Variants in RBM25 observed in about 807,000 individuals in gnomAD.
The protein encoded by RBM25 is RNA binding motif protein 25.
Under a neutral mutation model 120.7 loss-of-function variants are expected in RBM25, and 19 were observed. The ratio of observed to expected loss-of-function variants is 0.16; its 90% CI spans 0.11 to 0.23. RBM25 has a LOEUF of 0.23. RBM25 is among the 10% of genes least tolerant of loss of function. The pLI is 1.00. For missense variants in RBM25, 605 were observed against 1,041.5 expected, an observed-to-expected ratio of 0.58 and a Z score of 5.77; for synonymous variants, 390 against 326.7, an observed-to-expected ratio of 1.19 and a Z score of -2.09.
intron 8 of RBM25, 53 bp downstream of exon 8, chr14:73,099,486 A>C (rs1896017902): frequency 6.3e-7 from 1 of 1,593,768 alleles, no homozygotes; most frequent in Admixed American, 1.8e-5. Flanking sequence ...CTGATTGTTG[A>C]TTTGTCATTC....
chr14:73,110,440 TC>T (rs1334486075), intron 14 of RBM25, among the ~76,000 whole-genome samples: 2 of 151,794 alleles, frequency 1.3e-5, no homozygotes, highest in Admixed American at 1.3e-4. Context: ...TTTTTCTTTT[TC>T]TTTTTTTTTG....
At chr14:73,113,549 C>G (rs8008490) in intron 17 of RBM25, among the ~76,000 whole-genome samples, 15,058 of 151,588 alleles carry the variant, frequency 0.099, 827 homozygotes, top group African/African-American at 0.14. Flanking sequence ...AAATTGGGTG[C>G]GCTGGGTGGC....
intron 1 of RBM25, chr14:73,059,400 A>G (rs1894946474): frequency 6.6e-6 from 1 of 152,234 alleles, no homozygotes; most frequent in African/African-American, 2.4e-5. Flanking sequence ...TAAGCTCCAC[A>G]TTAAAATGTT....
intron 18 of RBM25, among the ~76,000 whole-genome samples, chr14:73,117,286 C>G (rs2140468291): frequency 8.2e-6 from 1 of 121,968 alleles, no homozygotes; most frequent in African/African-American, 3.2e-5. Context: ...TATGGAGTGA[C>G]AGTGGCGCGA....
At position 73,103,994 on chromosome 14, in the gene RBM25, A is replaced by ACACACT. The variant is rs1339176135; in HGVS notation, c.1154+517_1154+518insACACTC. Among the ~76,000 whole-genome samples, 212 of 99,390 alleles carry ACACACT rather than the reference A, an allele frequency of 2.1e-3. 2 individuals are homozygous for ACACACT. The highest frequency in any genetic ancestry group is 2.7e-3 in the Non-Finnish European group (139 of 51,044). 65.2% of individuals were successfully genotyped at this position (99,390 alleles called of 152,430 possible). The stretch of plus-strand genomic sequence containing the variant: ...CACACACACACACACACACACACAC[A>ACACACT]CTCTCTCTCTCTCTCTCTCTCTCAC... On this transcript the variant is annotated intron_variant, in intron 10 of 18. Transcript: ENST00000261973.
At position 73,083,558 on chromosome 14, in the gene RBM25, C is replaced by T. The variant is rs1242459575; in HGVS notation, c.382+7C>T. The T allele has an allele frequency of 6.4e-7, 1 of 1,564,060 alleles. No homozygotes were observed. Among genetic ancestry groups the T allele is most frequent in the Non-Finnish European group, 8.6e-7 (1 of 1,163,346 alleles). On this transcript the variant is annotated splice_region_variant and intron_variant, in intron 5 of 18. Transcript: ENST00000261973. The stretch of plus-strand genomic sequence containing the variant: ...GCTTCCGGAAAGCTTCAAGGTATGT[C>T]ATTTTTTTCCTTATTTGCTGAAATC...
intron 4 of RBM25, among the ~76,000 whole-genome samples, chr14:73,081,568 C>G (rs751277848): frequency 1.3e-5 from 2 of 152,178 alleles, no homozygotes; most frequent in Non-Finnish European, 2.9e-5. Context: ...GATCCTATAT[C>G]TTGCTTGTGC....
intron 17 of RBM25, 30 bp downstream of exon 17, chr14:73,112,280 A>C: frequency 1.3e-6 from 2 of 1,525,860 alleles, no homozygotes; most frequent in Non-Finnish European, 1.7e-6. Context: ...CCATGCCAGC[A>C]TTTATTTTAT....
chr14:73,080,109 T>C (rs980676546), intron 4 of RBM25, among the ~76,000 whole-genome samples: 1 of 150,410 alleles, frequency 6.6e-6, no homozygotes, highest in Non-Finnish European at 1.5e-5. Flanking sequence ...GTGCCGTTTC[T>C]GAGTCTTAGG....
chr14:73,100,593 C>T lies in RBM25; in HGVS notation c.867+843C>T, dbSNP rs151136055. The T allele has an allele frequency of 9.3e-4, 293 of 316,244 alleles. 2 individuals carry two copies. The highest frequency in any genetic ancestry group is 5.3e-3 in the African/African-American group (250 of 47,004). The allele number at this position is 316,244 out of a possible 1,614,324, so 19.6% of individuals were successfully genotyped here. On this transcript the variant is annotated intron_variant, in intron 9 of 18. Coordinates refer to ENST00000261973, the MANE Select transcript of RBM25 (RefSeq NM_021239.3). ...ACTGCATGAAATGTATTTTGATGGT[C>T]GAGATAATAAGGTGTTGCTGGTTCT...
rs1896520476 is a variant in RBM25 at position 73,120,477 on chromosome 14, G to T, written c.*672G>T. 1 of 152,640 alleles carries T rather than the reference G, an allele frequency of 6.6e-6. No homozygotes were observed. Among genetic ancestry groups the T allele is most frequent in the Non-Finnish European group, 1.5e-5 (1 of 68,036 alleles). 9.5% of individuals were successfully genotyped at this position (152,640 alleles called of 1,614,324 possible). A position where few individuals can be genotyped will look rare whatever the true frequency, so the allele number is the denominator to read the frequency against. ...AATGTCTGTTATAATTAGGTTATTAGTTTCCCAGAGCATGGTGTTCTCGTG... is the reference window on the plus strand; with the variant it reads ...AATGTCTGTTATAATTAGGTTATTATTTTCCCAGAGCATGGTGTTCTCGTG... On this transcript the variant is annotated 3_prime_UTR_variant, in exon 19 of 19. Transcript: ENST00000261973.
At chr14:73,087,534 T>C (rs1166311013) in intron 5 of RBM25, among the ~76,000 whole-genome samples, 1 of 152,116 alleles carries the variant, frequency 6.6e-6, no homozygotes, top group Non-Finnish European at 1.5e-5. Flanking sequence ...TAGCTGGGAC[T>C]ACAGGCGCCC....
At chr14:73,086,238 G>GT (rs1895682300) in intron 5 of RBM25, among the ~76,000 whole-genome samples, 1 of 151,836 alleles carries the variant, frequency 6.6e-6, no homozygotes, top group Non-Finnish European at 1.5e-5. Context: ...AAGAGATCAA[G>GT]ACCATCCTGG....
Position 73,123,626 on chromosome 14 carries a change from T to A in RBM25, c.*3821T>A, listed in dbSNP as rs537712954. On this transcript the variant is annotated 3_prime_UTR_variant, in exon 19 of 19. Transcript: ENST00000261973. Reference sequence around the variant, plus strand: ...ATACCAAACCCAGGAGCTACTAATATAACAATCATACTATAGAGCGAAGTG... The same window carrying A: ...ATACCAAACCCAGGAGCTACTAATAAAACAATCATACTATAGAGCGAAGTG... 35 of 152,326 alleles carry A rather than the reference T, an allele frequency of 2.3e-4. No homozygotes were observed. Among genetic ancestry groups the A allele is most frequent in the African/African-American group, 8.2e-4 (34 of 41,568 alleles). 9.4% of individuals were successfully genotyped at this position (152,326 alleles called of 1,614,324 possible). A position where few individuals can be genotyped will look rare whatever the true frequency, so the allele number is the denominator to read the frequency against.
intron 9 of RBM25, 81 bp from the exon 10 acceptor site, chr14:73,103,111 C>T: frequency 1.3e-6 from 2 of 1,527,746 alleles, no homozygotes; most frequent in South Asian, 2.7e-5. Context: ...TTTTTGTTCC[C>T]AGTACTGGGC....
intron 1 of RBM25, among the ~76,000 whole-genome samples, chr14:73,067,854 C>T (rs1417650209): frequency 6.6e-6 from 1 of 152,014 alleles, no homozygotes; most frequent in African/African-American, 2.4e-5. Flanking sequence ...CCGCTTCGGC[C>T]TCCCAAAGTG....
chr14:73,097,623 C>T (rs1047207757), intron 7 of RBM25, among the ~76,000 whole-genome samples: 1 of 152,202 alleles, frequency 6.6e-6, no homozygotes, highest in Non-Finnish European at 1.5e-5. Flanking sequence ...TCATGAGCCA[C>T]TGCGCCCGGC....
intron 1 of RBM25, chr14:73,059,389 C>T (rs1894946157): frequency 6.6e-6 from 1 of 152,202 alleles, no homozygotes; most frequent in South Asian, 2.1e-4. Flanking sequence ...TAGGCGATTA[C>T]TAAGCTCCAC....
chr14:73,103,467 C>T lies in RBM25; in HGVS notation c.1143C>T (p.Arg381=). The change falls in exon 10 of 19, where the codon CGC becomes CGT. Residue 381 remains arginine (R), a synonymous_variant. Transcript: ENST00000261973. ...RERSSDRNKD[R]SRSREKSRDR... ...GGAGCTCAGATCGTAATAAGGATCG[C>T]AGTCGATCAAGGTAAGGCTTTACAG... 1 of 1,595,788 alleles carries T rather than the reference C, an allele frequency of 6.3e-7. No individual in the cohort carries two copies. Among genetic ancestry groups the T allele is most frequent in the Non-Finnish European group, 8.5e-7 (1 of 1,172,352 alleles).
Sources: allele counts gnomAD v4.1 joint callset (sites outside exome capture counted in the v4.1 genomes callset), GRCh38; gene constraint gnomAD v4.1.1; transcripts MANE v1.5; gene names NCBI Gene and HGNC (gene_info 2026-07-23, HGNC 2026-07-21).